Variants in CCDC181 observed in about 807,000 individuals in gnomAD.
The protein encoded by CCDC181 is coiled-coil domain-containing protein 181.
Under a neutral mutation model 58.7 loss-of-function variants are expected in CCDC181, and 35 were observed. The ratio of observed to expected loss-of-function variants is 0.60; its 90% CI spans 0.46 to 0.79. The LOEUF is 0.79. Among genes scored for constraint, CCDC181 ranks in the 30% least tolerant of loss-of-function variants. The pLI, the probability that CCDC181 is intolerant of heterozygous loss-of-function variation, is 0.00. For synonymous variants in CCDC181, 183 were observed against 197.5 expected, an observed-to-expected ratio of 0.93 and a Z score of 0.62; for missense variants, 517 against 583.9, an observed-to-expected ratio of 0.89 and a Z score of 1.18.
At chr1:169,420,702 A>G (rs935973364) in intron 3 of CCDC181, among the ~76,000 whole-genome samples, 6 of 152,178 alleles carry the variant, frequency 3.9e-5, no homozygotes, top group African/African-American at 1.4e-4. Context: ...CCAGTAAAAC[A>G]AAGAATTGGA....
At chr1:169,395,254 A>G in intron 5 of CCDC181, 48 bp from the exon 6 acceptor site, 3 of 1,494,394 alleles carry the variant, frequency 2.0e-6, no homozygotes, top group South Asian at 1.3e-5. Flanking sequence ...ACCTGAATAC[A>G]CTCTTCATGC....
At position 169,422,210 on chromosome 1, in the gene CCDC181, T is replaced by A; in HGVS notation, c.221A>T (p.Asp74Val). ...RHSDPDKSLQDEVSPRRNDII... is the reference protein window; with the variant it reads ...RHSDPDKSLQVEVSPRRNDII... ...GTCATTTCTTCTTGGTGAGACCTCA[T>A]CCTGCAAAGATTTGTCAGGATCAGA... Residue 74 changes from aspartate (D) to valine (V), a missense_variant, in exon 3 of 6, where the codon GAT becomes GTT. By Grantham distance (152) the Asp-to-Val change is radical. Coordinates refer to ENST00000367806, the MANE Select transcript of CCDC181 (RefSeq NM_001300969.2). The A allele has an allele frequency of 1.2e-6, 2 of 1,613,782 alleles. No homozygotes were observed. Among genetic ancestry groups the A allele is most frequent in the Non-Finnish European group, 1.7e-6 (2 of 1,179,820 alleles).
chr1:169,397,615 T>C (rs1432896722), intron 4 of CCDC181, among the ~76,000 whole-genome samples: 1 of 152,186 alleles, frequency 6.6e-6, no homozygotes, highest in Non-Finnish European at 1.5e-5. Flanking sequence ...TTTTCAAAAC[T>C]GTAGTTCCTA....
chr1:169,453,441 C>A (rs960897793), intron 2 of CCDC181, among the ~76,000 whole-genome samples: 1 of 152,050 alleles, frequency 6.6e-6, no homozygotes, highest in Non-Finnish European at 1.5e-5. Context: ...TTTCATACAA[C>A]CCTTTCCTAG....
intron 4 of CCDC181, among the ~76,000 whole-genome samples, chr1:169,417,074 A>G (rs1196535405): frequency 6.6e-6 from 1 of 152,190 alleles, no homozygotes; most frequent in Non-Finnish European, 1.5e-5. Flanking sequence ...CACTCAACAC[A>G]GAATACTTCA....
At chr1:169,457,761 A>T (rs1017426447) in intron 2 of CCDC181, among the ~76,000 whole-genome samples, 2 of 152,162 alleles carry the variant, frequency 1.3e-5, no homozygotes, top group African/African-American at 4.8e-5. Context: ...ATAAATATAC[A>T]AAAAAGAACA....
intron 2 of CCDC181, among the ~76,000 whole-genome samples, chr1:169,437,259 A>G (rs1217592211): frequency 2.0e-5 from 3 of 152,222 alleles, no homozygotes; most frequent in African/African-American, 7.2e-5. Context: ...CAGGGTCTGC[A>G]AAATGTCTCA....
At chr1:169,427,000 C>T (rs1259390027) in intron 1 of CCDC181, among the ~76,000 whole-genome samples, 3 of 152,106 alleles carry the variant, frequency 2.0e-5, no homozygotes, top group African/African-American at 4.8e-5. Flanking sequence ...TTATTACTTT[C>T]CACGTTCAAG....
intron 2 of CCDC181, among the ~76,000 whole-genome samples, chr1:169,444,407 A>C (rs964025083): frequency 1.3e-5 from 2 of 152,128 alleles, no homozygotes; most frequent in African/African-American, 2.4e-5. Flanking sequence ...TGGCATTTTT[A>C]TTAGGGGTAG....
At position 169,397,230 on chromosome 1, in the gene CCDC181, A is replaced by C; in HGVS notation, c.1370+7T>G. On this transcript the variant is annotated splice_region_variant and intron_variant, in intron 5 of 5. Coordinates refer to ENST00000367806, the MANE Select transcript of CCDC181 (RefSeq NM_001300969.2). ...AGGAGGGGGGAAATGCCCTGCCTTT[A>C]ACTTACTGTTTAAAGGCCCTTTCCC... is the stretch of plus-strand genomic sequence containing the variant. 6.3e-7 allele frequency: 1 copy of C among 1,575,494 alleles called. No individual in the cohort carries two copies. The highest frequency in any genetic ancestry group is 8.6e-7 in the Non-Finnish European group (1 of 1,164,070).
chr1:169,398,054 A>C (rs941278811), intron 4 of CCDC181, among the ~76,000 whole-genome samples: 1 of 152,172 alleles, frequency 6.6e-6, no homozygotes, highest in Non-Finnish European at 1.5e-5. Context: ...ATTATTCAGG[A>C]TCTTTGATGC....
In CCDC181 at chr1:169,424,905, T is replaced by C. The variant is rs751918681; in HGVS notation, c.23A>G (p.Asp8Gly). Reference sequence around the variant, plus strand: ...TTCGTATTCTTCACTTTTCTTTGAATCAGTATCTTTATTTTCATTCATTTT... The same window carrying C: ...TTCGTATTCTTCACTTTTCTTTGAACCAGTATCTTTATTTTCATTCATTTT... Reference protein sequence around the residue: MNENKDTDSKKSEEYEDD... With the variant: MNENKDTGSKKSEEYEDD... The change falls in exon 2 of 6, where the codon GAT becomes GGT. Residue 8 changes from aspartate (D) to glycine (G), a missense_variant. Asp to Gly is a moderately conservative substitution (Grantham distance 94, BLOSUM62 -1). Coordinates refer to ENST00000367806, the MANE Select transcript of CCDC181 (RefSeq NM_001300969.2). 1.3e-6 allele frequency: 2 copies of C among 1,592,712 alleles called. No homozygotes were observed. The highest frequency in any genetic ancestry group is 1.7e-6 in the Non-Finnish European group (2 of 1,161,846).
rs541504200 is a variant in CCDC181 at position 169,434,599 on chromosome 1, C to G, written c.-23-9649G>C. Among the ~76,000 whole-genome samples, 9 of 151,954 alleles carry G rather than the reference C, an allele frequency of 5.9e-5. No homozygotes were observed. The East Asian group carries it at 1.7e-3, about 29-fold the overall frequency. ...ATATGCACAATGGAATATTATTCAG[C>G]CTTTTAAAGGAAGGAAATTCTAACA... On this transcript the variant is annotated intron_variant, in intron 2 of 6. Transcript: ENST00000545005.
At chr1:169,429,510 G>A (rs772721168), upstream of CCDC181, among the ~76,000 whole-genome samples, 1 of 152,096 alleles carries the variant, frequency 6.6e-6, no homozygotes, top group Non-Finnish European at 1.5e-5. Flanking sequence ...CAGGAGTAAG[G>A]TGGTATCGTA....
In CCDC181 at chr1:169,458,826, A is replaced by AT. The variant is rs555760110; in HGVS notation, c.-24+970dup. 2.3e-3 allele frequency among the ~76,000 whole-genome samples: 343 copies of AT among 151,666 alleles called. 1 individual carries two copies. Among genetic ancestry groups the AT allele is most frequent in the African/African-American group, 7.9e-3 (329 of 41,384 alleles). Reference sequence around the variant, plus strand: ...TGCTTATTTATTTATGTCTTTGGTGATTTTTAATAGTCTTTAATTTTTAAT... The same window carrying AT: ...TGCTTATTTATTTATGTCTTTGGTGATTTTTTAATAGTCTTTAATTTTTAAT... On this transcript the variant is annotated intron_variant, in intron 2 of 6. Transcript: ENST00000545005.
chr1:169,456,084 A>AT (rs2101762152), intron 2 of CCDC181, among the ~76,000 whole-genome samples: 1 of 152,108 alleles, frequency 6.6e-6, no homozygotes, highest in African/African-American at 2.4e-5. Context: ...TTAGATGGCC[A>AT]TTTCAGCCTG....
At chr1:169,395,790 T>C (rs1449878516) in intron 5 of CCDC181, 1 of 151,938 alleles carries the variant, frequency 6.6e-6, no homozygotes, top group African/African-American at 2.4e-5. Context: ...TAACTGCATA[T>C]ACATATATAC....
intron 4 of CCDC181, among the ~76,000 whole-genome samples, chr1:169,408,354 T>A (rs944696098): frequency 5.3e-5 from 8 of 152,114 alleles, no homozygotes. Context: ...AGATTACTCC[T>A]CTCTGGGCAG....
At chr1:169,409,521 A>G (rs1302832189) in intron 4 of CCDC181, among the ~76,000 whole-genome samples, 1 of 152,240 alleles carries the variant, frequency 6.6e-6, no homozygotes, top group Non-Finnish European at 1.5e-5. Context: ...AAACATTCAA[A>G]TTTAGGAAAT....
Sources: allele counts gnomAD v4.1 joint callset (sites outside exome capture counted in the v4.1 genomes callset), GRCh38; gene constraint gnomAD v4.1.1; transcripts MANE v1.5; gene names NCBI Gene and HGNC (gene_info 2026-07-23, HGNC 2026-07-21).